ADGRL2: variants seen among roughly 807,000 people sequenced by gnomAD.
The protein encoded by ADGRL2 is adhesion G protein-coupled receptor L2.
A neutral mutation model predicts 157.4 loss-of-function variants in ADGRL2; 44 were observed. The ratio of observed to expected loss-of-function variants is 0.28; its 90% CI spans 0.22 to 0.36. ADGRL2 has a LOEUF of 0.36. ADGRL2 is among the 10% of genes least tolerant of loss of function. ADGRL2 has a pLI of 1.00. For synonymous variants in ADGRL2, 585 were observed against 624.7 expected (o/e 0.94, Z 0.95); for missense variants, 1,510 against 1,768.9 (o/e 0.85, Z 2.63).
chr1:81,544,972 C>A (rs2079977342), intron 2 of ADGRL2, among the ~76,000 whole-genome samples: 1 of 152,144 alleles, frequency 6.6e-6, no homozygotes, highest in Non-Finnish European at 1.5e-5. Flanking sequence ...CTGAAACCTG[C>A]TCCTTCTCCA....
At chr1:81,988,383 C>G (rs574606028) in intron 23 of ADGRL2, 1 of 152,124 alleles carries the variant, frequency 6.6e-6, no homozygotes, top group East Asian at 1.9e-4. Context: ...AAAAGAAAAT[C>G]TTTGAAAACA....
intron 2 of ADGRL2, among the ~76,000 whole-genome samples, chr1:81,509,451 T>A (rs1192568103): frequency 6.6e-6 from 1 of 152,168 alleles, no homozygotes; most frequent in Non-Finnish European, 1.5e-5. Flanking sequence ...CCTTCTGCCC[T>A]ATTCAAATCC....
At chr1:81,893,716 A>G (rs2094321062) in intron 2 of ADGRL2, among the ~76,000 whole-genome samples, 1 of 152,208 alleles carries the variant, frequency 6.6e-6, no homozygotes, top group South Asian at 2.1e-4. Context: ...GTTAAATACA[A>G]GAAAGGATAT....
At chr1:81,892,246 A>G (rs778562839) in intron 2 of ADGRL2, among the ~76,000 whole-genome samples, 1 of 152,060 alleles carries the variant, frequency 6.6e-6, no homozygotes, top group Non-Finnish European at 1.5e-5. Context: ...CCTTGTCCGG[A>G]ATTACTTTTC....
At chr1:81,624,566 A>G (rs965610878) in intron 3 of ADGRL2, among the ~76,000 whole-genome samples, 5 of 152,090 alleles carry the variant, frequency 3.3e-5, no homozygotes, top group Non-Finnish European at 7.4e-5. Context: ...CCCAAAAATA[A>G]AAAAGTAATA....
chr1:81,482,257 T>TC (rs1281296349), intron 2 of ADGRL2, among the ~76,000 whole-genome samples: 1 of 152,236 alleles, frequency 6.6e-6, no homozygotes, highest in Non-Finnish European at 1.5e-5. Flanking sequence ...AACAGAAAGT[T>TC]TGAATAAAGC....
intron 1 of ADGRL2, among the ~76,000 whole-genome samples, chr1:81,820,550 T>C (rs1557706112): frequency 6.6e-6 from 1 of 152,082 alleles, no homozygotes; most frequent in Non-Finnish European, 1.5e-5. Context: ...TTTCTCTCAT[T>C]TTTTGGGGGG....
chr1:81,471,655 C>T (rs756103811), intron 2 of ADGRL2, among the ~76,000 whole-genome samples: 2 of 152,116 alleles, frequency 1.3e-5, no homozygotes, highest in Non-Finnish European at 2.9e-5. Context: ...CAGTTTTAAG[C>T]CTGAATCGAA....
chr1:81,600,882 T>C (rs1459467090), intron 3 of ADGRL2, among the ~76,000 whole-genome samples: 1 of 152,224 alleles, frequency 6.6e-6, no homozygotes, highest in African/African-American at 2.4e-5. Flanking sequence ...ATGAAGTTAA[T>C]ATTTATTTCT....
Position 81,864,428 on chromosome 1 carries a change from C to G in ADGRL2, c.73+27371C>G, listed in dbSNP as rs191784735. ...GTCTAGAAGAATCCTTTCCCCACCC[C>G]CAAATAGCTGTTACTGACATGTCCA... On this transcript the variant is annotated intron_variant, in intron 2 of 23. Transcript: ENST00000686636. 2.9e-3 allele frequency among the ~76,000 whole-genome samples: 446 copies of G among 152,174 alleles called. 1 individual carries two copies. Among genetic ancestry groups the G allele is most frequent in the African/African-American group, 0.01 (431 of 41,528 alleles).
In ADGRL2 at chr1:81,968,188, A is replaced by G. The variant is rs774220540; in HGVS notation, c.2512A>G (p.Arg838Gly). The G allele has an allele frequency of 1.2e-6, 2 of 1,611,280 alleles. No homozygotes were observed. The highest frequency in any genetic ancestry group is 1.7e-6 in the Non-Finnish European group (2 of 1,179,342). The change falls in exon 14 of 24, where the codon AGG (arginine) becomes GGG (glycine). Residue 838 changes from arginine to glycine, a missense_variant. Transcript: ENST00000686636. ...CAATTTTGCAATTCTCATGGCCCAC[A>G]GGGAAATTGCAGTAAGTATTTGCAC... ...LTNFAILMAH[R>G]EIAYKDGVHE... is the part of the protein sequence containing the mutation.
At position 81,801,092 on chromosome 1, in the gene ADGRL2, C is replaced by T. The variant is rs868207788; in HGVS notation, c.-101+24C>T. On this transcript the variant is annotated intron_variant, in intron 1 of 23. Transcript: ENST00000686636. The stretch of plus-strand genomic sequence containing the variant: ...CCGTAAGTATCCCCTTTCGCTCCTC[C>T]TCCCCGCCGCTTGGGCGCACAGCCG... 3.9e-5 allele frequency among the ~76,000 whole-genome samples: 6 copies of T among 152,188 alleles called. 1 individual carries two copies. The highest frequency in any genetic ancestry group is 3.4e-3 in the Middle Eastern group (1 of 292).
chr1:81,964,685 T>C (rs1656525537), intron 11 of ADGRL2, among the ~76,000 whole-genome samples: 1 of 152,130 alleles, frequency 6.6e-6, no homozygotes, highest in South Asian at 2.1e-4. Context: ...GAGATGATTT[T>C]TGTAAAAATA....
At chr1:81,333,590 T>C (rs937661021) in intron 1 of ADGRL2, among the ~76,000 whole-genome samples, 9 of 151,954 alleles carry the variant, frequency 5.9e-5, no homozygotes, top group Non-Finnish European at 1.0e-4. Flanking sequence ...TAATTTTTTG[T>C]ATTTTTAGTA....
At chr1:81,557,506 A>AAAG (rs1159686343) in intron 2 of ADGRL2, 1 of 99,856 alleles carries the variant, frequency 1.0e-5, no homozygotes, top group African/African-American at 4.2e-5. Flanking sequence ...AGAAAGAAAG[A>AAAG]AAGAAAGAAA....
Position 81,969,282 on chromosome 1 carries a change from C to T in ADGRL2, c.2628C>T (p.Phe876=), listed in dbSNP as rs1658038942. The T allele has an allele frequency of 6.2e-7, 1 of 1,613,924 alleles. No homozygotes were observed. The highest frequency in any genetic ancestry group is 1.7e-5 in the Admixed American group (1 of 60,022). Residue 876 remains phenylalanine, a synonymous_variant, in exon 15 of 24, where the codon TTC becomes TTT. Coordinates refer to ENST00000686636, the MANE Select transcript of ADGRL2 (RefSeq NM_001366006.2). ...LAICIFTFCF[F]RGLQSDRNTI... is the part of the protein sequence containing the mutation. ...TCTGCATCTTCACCTTCTGCTTTTT[C>T]CGTGGCCTACAGAGTGACCGAAATA... is the stretch of plus-strand genomic sequence containing the variant.
At chr1:81,600,645 T>G (rs1346577766) in intron 3 of ADGRL2, among the ~76,000 whole-genome samples, 1 of 152,228 alleles carries the variant, frequency 6.6e-6, no homozygotes, top group African/African-American at 2.4e-5. Flanking sequence ...GAAATGTGTT[T>G]CTCAGAATTT....
At chr1:81,406,174 A>T (rs1486312081) in intron 1 of ADGRL2, among the ~76,000 whole-genome samples, 1 of 152,216 alleles carries the variant, frequency 6.6e-6, no homozygotes, top group Non-Finnish European at 1.5e-5. Flanking sequence ...GCCTCCAGTA[A>T]AGTTTTTACA....
intron 2 of ADGRL2, among the ~76,000 whole-genome samples, chr1:81,469,611 T>C (rs1160867393): frequency 6.6e-6 from 1 of 152,188 alleles, no homozygotes; most frequent in African/African-American, 2.4e-5. Flanking sequence ...GCATTACCTA[T>C]TTCTTTCCCT....
Sources: gnomAD v4.1 joint callset for allele counts (sites outside exome capture counted in the v4.1 genomes callset) on GRCh38, gnomAD v4.1.1 for gene constraint, MANE v1.5 for transcripts, NCBI Gene and HGNC (gene_info 2026-07-23, HGNC 2026-07-21) for gene names.